The following GALNTL6 variants were observed in gnomAD, a reference collection of about 807,000 sequenced individuals.
GALNTL6 encodes polypeptide N-acetylgalactosaminyltransferase like 6, also known as polypeptide N-acetylgalactosaminyltransferase-like 6.
GALNTL6 carries 46 observed loss-of-function variants against 73.7 expected under a neutral mutation model. That is an observed-to-expected ratio of 0.62 (90% CI 0.49 to 0.80). The LOEUF (loss-of-function observed/expected upper bound fraction) is 0.80. Ranked by LOEUF, GALNTL6 falls within the 30% of genes least tolerant of loss-of-function variation. The pLI is 0.00. For missense variants in GALNTL6, 604 were observed against 755.0 expected, an observed-to-expected ratio of 0.80 and a Z score of 2.34; for synonymous variants, 259 against 263.7, an observed-to-expected ratio of 0.98 and a Z score of 0.17.
At chr4:171,940,752 A>C (rs1738508498) in intron 2 of GALNTL6, among the ~76,000 whole-genome samples, 1 of 151,888 alleles carries the variant, frequency 6.6e-6, no homozygotes, top group South Asian at 2.1e-4. Context: ...CGGGAGGCGG[A>C]GCTTGCAGTG....
intron 5 of GALNTL6, among the ~76,000 whole-genome samples, chr4:172,568,650 C>T (rs989368371): frequency 4.9e-5 from 7 of 141,808 alleles, no homozygotes; most frequent in Non-Finnish European, 9.0e-5. Flanking sequence ...CCCAGCTACT[C>T]GGGAGGCTGA....
At position 172,178,655 on chromosome 4, in the gene GALNTL6, T is replaced by C. The variant is rs970510967; in HGVS notation, c.139-51001T>C. On this transcript the variant is annotated intron_variant, in intron 2 of 12. Transcript: ENST00000506823. ...TGGTGTATATGTGACACATTTTCTT[T>C]TTTTTTTTTTTTATTATACTTTAAG... Among the ~76,000 whole-genome samples the C allele has an allele frequency of 2.9e-4, 41 of 142,376 alleles. No individual in the cohort carries two copies. The East Asian group carries it at 8.2e-3, about 28-fold the overall frequency. 93.4% of individuals were successfully genotyped at this position (142,376 alleles called of 152,430 possible).
intron 5 of GALNTL6, among the ~76,000 whole-genome samples, chr4:172,802,309 A>G (rs964864061): frequency 6.6e-6 from 1 of 152,202 alleles, no homozygotes; most frequent in African/African-American, 2.4e-5. Flanking sequence ...ATGTAACAAA[A>G]GCCCACCAAG....
At chr4:172,649,585 G>A (rs1292203576) in intron 5 of GALNTL6, among the ~76,000 whole-genome samples, 1 of 152,084 alleles carries the variant, frequency 6.6e-6, no homozygotes. Flanking sequence ...TTAAATGTGT[G>A]TATAAAGAAT....
At position 172,321,852 on chromosome 4, in the gene GALNTL6, C is replaced by T. The variant is rs180770727; in HGVS notation, c.386+10100C>T. ...AGGCAGTTATTAAATCTCTCTAAGA[C>T]AATAATTGGTCACAGCTGGCACTAG... is the stretch of plus-strand genomic sequence containing the variant. On this transcript the variant is annotated intron_variant, in intron 4 of 12. Coordinates refer to ENST00000506823, the MANE Select transcript of GALNTL6 (RefSeq NM_001034845.3). Among the ~76,000 whole-genome samples the T allele has an allele frequency of 8.0e-4, 121 of 152,168 alleles. 2 individuals are homozygous for T. In the South Asian group the frequency reaches 0.015, roughly 19 times the overall value.
At chr4:172,598,337 C>G (rs1237778308) in intron 5 of GALNTL6, among the ~76,000 whole-genome samples, 1 of 152,092 alleles carries the variant, frequency 6.6e-6, no homozygotes, top group African/African-American at 2.4e-5. Flanking sequence ...CTGCATACCT[C>G]TCATAATTAT....
intron 4 of GALNTL6, among the ~76,000 whole-genome samples, chr4:172,327,048 A>T (rs1438133880): frequency 6.6e-6 from 1 of 152,032 alleles, no homozygotes; most frequent in Non-Finnish European, 1.5e-5. Flanking sequence ...CATTTTTGCT[A>T]TAAGCTAATC....
intron 8 of GALNTL6, among the ~76,000 whole-genome samples, chr4:172,891,373 C>A (rs1746021655): frequency 1.3e-5 from 2 of 152,046 alleles, no homozygotes; most frequent in Non-Finnish European, 2.9e-5. Flanking sequence ...TAGCAAATTA[C>A]CTCTCTGGAA....
At chr4:171,969,081 T>C (rs1352114468) in intron 2 of GALNTL6, among the ~76,000 whole-genome samples, 2 of 152,078 alleles carry the variant, frequency 1.3e-5, no homozygotes, top group African/African-American at 4.8e-5. Flanking sequence ...GTGATCTGCC[T>C]GCCTCAGCAT....
rs76907322 is a variant in GALNTL6, at chr4:172,245,032, G to A, written c.247+15268G>A. 3.8e-3 allele frequency among the ~76,000 whole-genome samples: 576 copies of A among 152,150 alleles called. 3 individuals are homozygous for A. The highest frequency in any genetic ancestry group is 0.013 in the African/African-American group (542 of 41,514). ...AGAAAATTTTCTGCTGAAGGAACAC[G>A]GTATCTGGCAAGAATCAAGACGAAA... On this transcript the variant is annotated intron_variant, in intron 3 of 12. Coordinates refer to ENST00000506823, the MANE Select transcript of GALNTL6 (RefSeq NM_001034845.3).
intron 3 of GALNTL6, among the ~76,000 whole-genome samples, chr4:172,291,078 A>T (rs1223926651): frequency 6.6e-6 from 1 of 152,086 alleles, no homozygotes; most frequent in Non-Finnish European, 1.5e-5. Flanking sequence ...TATTCAAAAC[A>T]TTATTCAAAG....
At chr4:172,568,712 T>C (rs1336081963) in intron 5 of GALNTL6, among the ~76,000 whole-genome samples, 1 of 131,140 alleles carries the variant, frequency 7.6e-6, no homozygotes, top group Non-Finnish European at 1.5e-5. Flanking sequence ...GAGCCGAGAT[T>C]GCGCCACTGC....
chr4:172,500,636 A>T (rs1003487908), intron 5 of GALNTL6, among the ~76,000 whole-genome samples: 6 of 152,204 alleles, frequency 3.9e-5, no homozygotes, highest in Non-Finnish European at 7.3e-5. Context: ...CAGGAAAAAA[A>T]AATCAAGCAA....
chr4:171,967,863 G>T (rs1482001323), intron 2 of GALNTL6, among the ~76,000 whole-genome samples: 1 of 152,002 alleles, frequency 6.6e-6, no homozygotes, highest in Non-Finnish European at 1.5e-5. Flanking sequence ...CTCATTCTGG[G>T]TGGGAATACA....
chr4:172,713,240 G>A (rs1283878609), intron 5 of GALNTL6, among the ~76,000 whole-genome samples: 1 of 80,186 alleles, frequency 1.2e-5, no homozygotes, highest in Non-Finnish European at 2.5e-5. Context: ...GTGTGTGTGT[G>A]TGTGTGTGTG....
chr4:172,293,987 C>T (rs542770443), intron 3 of GALNTL6, among the ~76,000 whole-genome samples: 1 of 151,478 alleles, frequency 6.6e-6, no homozygotes, highest in African/African-American at 2.4e-5. Flanking sequence ...TACCTACGGT[C>T]ATTTTTTTTT....
rs1737235813 is a variant in GALNTL6, at chr4:171,905,168, C to A, written c.138+90450C>A. 4.6e-5 allele frequency among the ~76,000 whole-genome samples: 7 copies of A among 152,088 alleles called. No individual in the cohort carries two copies. In the South Asian group the frequency reaches 1.5e-3, roughly 32 times the overall value. On this transcript the variant is annotated intron_variant, in intron 2 of 12. Transcript: ENST00000506823. ...TATATTAACTTTAAATGTAAATGGACTAAATGCTCCAATTAAAAGACACAG... is the reference window on the plus strand; with the variant it reads ...TATATTAACTTTAAATGTAAATGGAATAAATGCTCCAATTAAAAGACACAG...
rs144123086 is a variant in GALNTL6, at chr4:172,027,435, T to C, written c.139-202221T>C. ...TATTACTATTATAATTGTTTTGGGG[T>C]ACCACAAACTGTGCCCTTGTAAGAT... On this transcript the variant is annotated intron_variant, in intron 2 of 12. Transcript: ENST00000506823. Among the ~76,000 whole-genome samples the C allele has an allele frequency of 7.3e-3, 1,106 of 152,230 alleles. 14 individuals carry two copies. The highest frequency in any genetic ancestry group is 0.026 in the African/African-American group (1,065 of 41,548).
intron 5 of GALNTL6, among the ~76,000 whole-genome samples, chr4:172,456,242 GA>G (rs1163557312): frequency 1.3e-5 from 2 of 151,890 alleles, no homozygotes; most frequent in African/African-American, 2.4e-5. Context: ...CAAAGATGAG[GA>G]AAAAACAGTG....
Sources: gnomAD v4.1 joint callset for allele counts (sites outside exome capture counted in the v4.1 genomes callset) on GRCh38, gnomAD v4.1.1 for gene constraint, MANE v1.5 for transcripts, NCBI Gene and HGNC (gene_info 2026-07-23, HGNC 2026-07-21) for gene names.